The following DOCK4 variants were observed in gnomAD, a reference collection of about 807,000 sequenced individuals.
DOCK4 encodes dedicator of cytokinesis protein 4.
A neutral mutation model predicts 268.1 loss-of-function variants in DOCK4; 97 were observed. The observed-to-expected ratio is 0.36, with a 90% CI of 0.31 to 0.43. The LOEUF is 0.43. Ranked by LOEUF, DOCK4 falls within the 20% of genes least tolerant of loss-of-function variation. DOCK4 has a pLI of 1.00. For missense variants in DOCK4, 2,145 were observed against 2,455.7 expected (o/e 0.87, Z 2.67); for synonymous variants, 954 against 887.2 (o/e 1.08, Z -1.34).
At chr7:111,870,998 T>TTC (rs1806380344) in intron 20 of DOCK4, among the ~76,000 whole-genome samples, 1 of 152,236 alleles carries the variant, frequency 6.6e-6, no homozygotes, top group Non-Finnish European at 1.5e-5. Context: ...GTGTCAAGTC[T>TTC]AACAAAAATA....
intron 28 of DOCK4, among the ~76,000 whole-genome samples, chr7:111,811,340 C>A (rs1009204617): frequency 6.6e-6 from 1 of 151,838 alleles, no homozygotes; most frequent in Non-Finnish European, 1.5e-5. Context: ...CCAAGATAGG[C>A]ACTGCTCATC....
rs189203536 is a variant in DOCK4 at position 112,060,342 on chromosome 7, G to A, written c.38-56211C>T. ...TAACAAATGTTGGTGAGGATATGGA[G>A]AAATTGGAACCCTTATGCACTGTCG... On this transcript the variant is annotated intron_variant, in intron 1 of 52. Coordinates refer to ENST00000428084, the MANE Select transcript of DOCK4 (RefSeq NM_001363540.2). Among the ~76,000 whole-genome samples the A allele has an allele frequency of 2.7e-3, 416 of 152,308 alleles. 1 individual carries two copies. The highest frequency in any genetic ancestry group is 4.7e-3 in the Non-Finnish European group (322 of 68,026).
intron 1 of DOCK4, among the ~76,000 whole-genome samples, chr7:112,188,407 T>G (rs1819644435): frequency 6.6e-6 from 1 of 152,254 alleles, no homozygotes; most frequent in Non-Finnish European, 1.5e-5. Context: ...ATAAATGCTT[T>G]GCCTGAGTTC....
At chr7:111,883,559 C>A (rs1029227049) in intron 16 of DOCK4, among the ~76,000 whole-genome samples, 1 of 152,182 alleles carries the variant, frequency 6.6e-6, no homozygotes, top group Non-Finnish European at 1.5e-5. Context: ...CTCTGCAGCA[C>A]TTCTGCAGCC....
chr7:112,058,119 T>C (rs1230501303), intron 1 of DOCK4, among the ~76,000 whole-genome samples: 1 of 150,746 alleles, frequency 6.6e-6, no homozygotes, highest in East Asian at 2.0e-4. Flanking sequence ...TTGGAAAATA[T>C]TTAGAAAATT....
At chr7:112,141,963 C>G (rs1291282352) in intron 1 of DOCK4, among the ~76,000 whole-genome samples, 1 of 152,178 alleles carries the variant, frequency 6.6e-6, no homozygotes, top group Non-Finnish European at 1.5e-5. Context: ...AACATCCCCC[C>G]ACTCATTGCA....
At chr7:111,855,461 T>C (rs561825733) in intron 23 of DOCK4, among the ~76,000 whole-genome samples, 3 of 152,094 alleles carry the variant, frequency 2.0e-5, no homozygotes, top group South Asian at 2.1e-4. Flanking sequence ...CAGGAAAGAC[T>C]AAGCTCAGAG....
intron 1 of DOCK4, among the ~76,000 whole-genome samples, chr7:112,107,462 G>A (rs929050188): frequency 5.3e-5 from 8 of 152,306 alleles, no homozygotes; most frequent in Admixed American, 1.3e-4. Context: ...AAGACAAAAC[G>A]AGAGGTCTCA....
At chr7:111,842,131 C>T (rs1330156985) in intron 25 of DOCK4, among the ~76,000 whole-genome samples, 2 of 152,170 alleles carry the variant, frequency 1.3e-5, no homozygotes, top group African/African-American at 4.8e-5. Flanking sequence ...CCTATTCCTC[C>T]TGCTAAGTAC....
intron 46 of DOCK4, 80 bp downstream of exon 46, chr7:111,741,460 T>C: frequency 6.4e-7 from 1 of 1,551,962 alleles, no homozygotes; most frequent in Non-Finnish European, 8.7e-7. Context: ...TGACAAATTG[T>C]GCCATAAAGA....
At chr7:111,894,020 G>C (rs1008277047) in intron 16 of DOCK4, among the ~76,000 whole-genome samples, 1 of 152,146 alleles carries the variant, frequency 6.6e-6, no homozygotes. Flanking sequence ...TCAGGAGATA[G>C]AGACCATCCT....
intron 1 of DOCK4, among the ~76,000 whole-genome samples, chr7:112,165,142 T>C (rs1485044137): frequency 6.6e-6 from 1 of 152,192 alleles, no homozygotes; most frequent in African/African-American, 2.4e-5. Flanking sequence ...TTTTGTTACA[T>C]GTATATAACA....
intron 7 of DOCK4, among the ~76,000 whole-genome samples, chr7:111,979,800 T>C (rs1798472430): frequency 6.6e-6 from 1 of 152,158 alleles, no homozygotes; most frequent in African/African-American, 2.4e-5. Context: ...TCACAAGAAT[T>C]GAGGAGAAAA....
At chr7:111,774,904 A>G (rs1162489582) in intron 36 of DOCK4, among the ~76,000 whole-genome samples, 2 of 152,174 alleles carry the variant, frequency 1.3e-5, no homozygotes. Flanking sequence ...ACAATACACA[A>G]ATAAGTGGGC....
At chr7:112,102,007 T>A (rs1325073764) in intron 1 of DOCK4, among the ~76,000 whole-genome samples, 1 of 152,144 alleles carries the variant, frequency 6.6e-6, no homozygotes, top group Non-Finnish European at 1.5e-5. Context: ...CACGCCCAGC[T>A]AATTTTAGTA....
At chr7:111,877,670 T>C (rs898125652) in intron 16 of DOCK4, among the ~76,000 whole-genome samples, 2 of 152,234 alleles carry the variant, frequency 1.3e-5, no homozygotes, top group African/African-American at 4.8e-5. Context: ...AAAGAGAAGA[T>C]ATTTCAGGTA....
chr7:112,127,035 T>C (rs1236869456), intron 1 of DOCK4, among the ~76,000 whole-genome samples: 4 of 152,098 alleles, frequency 2.6e-5, no homozygotes, highest in African/African-American at 7.2e-5. Context: ...AGAAATACCA[T>C]TTGACCCAGC....
chr7:111,741,942 C>T, intron 45 of DOCK4, 71 bp downstream of exon 45: 1 of 1,499,218 alleles, frequency 6.7e-7, no homozygotes, highest in Non-Finnish European at 8.9e-7. Context: ...CTATTGGATA[C>T]ATCATCATCC....
intron 1 of DOCK4, among the ~76,000 whole-genome samples, chr7:112,101,292 T>C (rs1162642991): frequency 1.3e-5 from 2 of 152,266 alleles, no homozygotes; most frequent in Non-Finnish European, 2.9e-5. Context: ...AAGAAAGTCA[T>C]CTACAATACA....
Sources: allele counts gnomAD v4.1 joint callset (sites outside exome capture counted in the v4.1 genomes callset), GRCh38; gene constraint gnomAD v4.1.1; transcripts MANE v1.5; gene names NCBI Gene and HGNC (gene_info 2026-07-23, HGNC 2026-07-21).